The following STK3 variants were observed in gnomAD, a reference collection of about 807,000 sequenced individuals.
The protein encoded by STK3 is serine/threonine-protein kinase 3.
A neutral mutation model predicts 58.0 loss-of-function variants in STK3; 41 were observed. That is an observed-to-expected ratio of 0.71 (90% CI 0.55 to 0.92). The LOEUF (loss-of-function observed/expected upper bound fraction) is 0.92, where lower values mean the gene tolerates loss of function less well. Ranked by LOEUF, STK3 falls within the 40% of genes least tolerant of loss-of-function variation. STK3 has a pLI of 0.00. For synonymous variants in STK3, 170 were observed against 191.0 expected (o/e 0.89, Z 0.91); for missense variants, 479 against 602.7 (o/e 0.79, Z 2.15).
At chr8:98,923,865 G>GCA (rs1564107656) in intron 1 of STK3, among the ~76,000 whole-genome samples, 4 of 118,164 alleles carry the variant, frequency 3.4e-5, no homozygotes, top group African/African-American at 7.4e-5. Flanking sequence ...GCGCGCGCGC[G>GCA]CGCGCGCGCG....
chr8:98,345,563 G>A, the STK3 span, among the ~76,000 whole-genome samples: 1 of 151,960 alleles, frequency 6.6e-6, no homozygotes, highest in Admixed American at 6.5e-5. Flanking sequence ...CTAAAGGCTG[G>A]AGGAAGAATC....
chr8:98,647,706 C>T (rs1820508502), intron 6 of STK3, among the ~76,000 whole-genome samples: 8 of 152,084 alleles, frequency 5.3e-5, no homozygotes, highest in Admixed American at 2.6e-4. Flanking sequence ...CACAGTATGC[C>T]ATGTTTCCAA....
At chr8:98,673,702 T>G (rs187678132) in intron 6 of STK3, among the ~76,000 whole-genome samples, 2 of 152,020 alleles carry the variant, frequency 1.3e-5, no homozygotes, top group Non-Finnish European at 2.9e-5. Flanking sequence ...TAGATAAGAG[T>G]TCTGAAGGCC....
chr8:98,754,928 A>G (rs1051347055), intron 3 of STK3, among the ~76,000 whole-genome samples: 4 of 152,220 alleles, frequency 2.6e-5, no homozygotes, highest in Non-Finnish European at 4.4e-5. Context: ...TTTTCTTGCC[A>G]TACACACTAA....
intron 6 of STK3, among the ~76,000 whole-genome samples, chr8:98,692,517 A>G (rs979757186): frequency 1.3e-5 from 2 of 152,232 alleles, no homozygotes; most frequent in African/African-American, 4.8e-5. Context: ...TAGAACAGTC[A>G]AACTCATAGA....
chr8:98,441,400 A>G (rs781490208), intron 1 of STK3, among the ~76,000 whole-genome samples: 45 of 152,188 alleles, frequency 3.0e-4, no homozygotes, highest in Admixed American at 2.0e-3. Context: ...GTGTGGTTGT[A>G]TCAAAGTTTA....
At position 98,611,490 on chromosome 8, in the gene STK3, G is replaced by A. The variant is rs190795020; in HGVS notation, c.685-15321C>T. Among the ~76,000 whole-genome samples the A allele has an allele frequency of 9.2e-3, 1,402 of 152,232 alleles. 18 individuals are homozygous for A. The highest frequency in any genetic ancestry group is 0.032 in the African/African-American group (1,324 of 41,546). On this transcript the variant is annotated intron_variant, in intron 6 of 10. Transcript: ENST00000419617. The stretch of plus-strand genomic sequence containing the variant: ...TGTCAACACAGCCCCTCATTTTCGT[G>A]CCTAGGGAAAATAAGGCTTAATCTA...
chr8:98,427,968 G>GGT (rs1818264769), intron 3 of STK3: 2 of 1,493,518 alleles, frequency 1.3e-6, no homozygotes, highest in South Asian at 1.3e-5. Context: ...GCGGGCGGCC[G>GGT]GCGCCTCCAG....
In STK3 at chr8:98,432,986, C is replaced by T. The variant is rs549291912; in HGVS notation, n.483+1141G>A. 3.9e-5 allele frequency: 6 copies of T among 152,720 alleles called. No individual in the cohort carries two copies. In the South Asian group the frequency reaches 1.2e-3, roughly 32 times the overall value. 9.5% of individuals were successfully genotyped at this position (152,720 alleles called of 1,614,324 possible). On this transcript the variant is annotated intron_variant and non_coding_transcript_variant, in intron 3 of 3. Transcript: ENST00000517832. ...AAAAATTATTTGCATCTCTTGGAGGCATTTCAATTACATATGCAGTAGCAA... is the reference window on the plus strand; with the variant it reads ...AAAAATTATTTGCATCTCTTGGAGGTATTTCAATTACATATGCAGTAGCAA...
At chr8:98,844,089 A>G (rs1315228497) in intron 3 of STK3, among the ~76,000 whole-genome samples, 1 of 152,184 alleles carries the variant, frequency 6.6e-6, no homozygotes, top group Non-Finnish European at 1.5e-5. Context: ...CCAGGAGTTC[A>G]AGGCTATGGT....
intron 7 of STK3, 123 bp downstream of exon 7, chr8:98,595,909 A>AGGAGG: frequency 9.1e-7 from 1 of 1,098,208 alleles, no homozygotes; most frequent in Non-Finnish European, 1.2e-6. Flanking sequence ...GGGAGCAAAC[A>AGGAGG]GGAGGGGAGG....
intron 1 of STK3, among the ~76,000 whole-genome samples, chr8:98,781,207 T>C (rs562827092): frequency 1.3e-5 from 2 of 152,302 alleles, no homozygotes; most frequent in African/African-American, 4.8e-5. Context: ...TATGTCAGAC[T>C]GTAGCACAGG....
At chr8:98,356,178 C>T in the STK3 span, among the ~76,000 whole-genome samples, 6 of 152,216 alleles carry the variant, frequency 3.9e-5, no homozygotes, top group African/African-American at 1.4e-4. Context: ...AAGCCTGTCA[C>T]ACAGACTTTT....
At chr8:98,915,380 C>T (rs374435582) in intron 1 of STK3, among the ~76,000 whole-genome samples, 19 of 144,098 alleles carry the variant, frequency 1.3e-4, no homozygotes, top group Middle Eastern at 3.6e-3. Flanking sequence ...AGCCTGCAGA[C>T]GGCTTACTGT....
At chr8:98,354,683 C>A in the STK3 span, among the ~76,000 whole-genome samples, 14 of 152,320 alleles carry the variant, frequency 9.2e-5, no homozygotes, top group African/African-American at 3.4e-4. Flanking sequence ...GGGCTCTTTC[C>A]CCTAAGGACA....
In STK3 at chr8:98,493,888, T is replaced by C. The variant is rs138444677; in HGVS notation, c.1317+32854A>G. Among the ~76,000 whole-genome samples the C allele has an allele frequency of 2.0e-5, 3 of 152,364 alleles. No individual in the cohort carries two copies. In the East Asian group the frequency reaches 5.8e-4, roughly 29 times the overall value. On this transcript the variant is annotated intron_variant, in intron 10 of 10. Coordinates refer to ENST00000419617, the MANE Select transcript of STK3 (RefSeq NM_006281.4). ...CCTTCACCTAGTTATTCAGGTAATC[T>C]GGGACTTATCTGAGATCTTCCTTTT...
chr8:98,586,943 A>T, intron 7 of STK3, among the ~76,000 whole-genome samples: 1 of 151,804 alleles, frequency 6.6e-6, no homozygotes, highest in Non-Finnish European at 1.5e-5. Context: ...CGGTGTTGAT[A>T]TCCCCTTTAT....
At chr8:98,791,256 C>T (rs1832784874) in intron 1 of STK3, among the ~76,000 whole-genome samples, 1 of 152,116 alleles carries the variant, frequency 6.6e-6, no homozygotes, top group Non-Finnish European at 1.5e-5. Context: ...AGGAATACAC[C>T]TAACCAAGGA....
chr8:98,576,784 T>C (rs16897086), intron 8 of STK3, among the ~76,000 whole-genome samples: 1,725 of 152,338 alleles, frequency 0.011, 44 homozygotes, highest in African/African-American at 0.04. Flanking sequence ...CAGATTTAGA[T>C]GGTTGACAGA....
Sources: gnomAD v4.1 joint callset for allele counts (sites outside exome capture counted in the v4.1 genomes callset) on GRCh38, gnomAD v4.1.1 for gene constraint, MANE v1.5 for transcripts, NCBI Gene and HGNC (gene_info 2026-07-23, HGNC 2026-07-21) for gene names.